NRG3: variants seen among roughly 807,000 people sequenced by gnomAD.
NRG3 encodes pro-neuregulin-3, membrane-bound isoform.
In NRG3, 31 loss-of-function variants were observed where a neutral mutation model predicts 66.9. The ratio of observed to expected loss-of-function variants is 0.46; its 90% CI spans 0.35 to 0.63. NRG3 has a LOEUF of 0.63. NRG3 is among the 20% of genes least tolerant of loss of function. NRG3 has a pLI of 0.00. For synonymous variants in NRG3, 393 were observed against 359.4 expected, an observed-to-expected ratio of 1.09 and a Z score of -1.06; for missense variants, 910 against 878.9, an observed-to-expected ratio of 1.04 and a Z score of -0.45.
At chr10:82,378,562 C>T (rs1247452461) in intron 2 of NRG3, among the ~76,000 whole-genome samples, 1 of 151,730 alleles carries the variant, frequency 6.6e-6, no homozygotes, top group Non-Finnish European at 1.5e-5. Flanking sequence ...CTACTCTCTT[C>T]TCTTTTTTCT....
At chr10:82,538,849 T>TATA (rs1438993743) in intron 2 of NRG3, among the ~76,000 whole-genome samples, 1 of 152,182 alleles carries the variant, frequency 6.6e-6, no homozygotes, top group African/African-American at 2.4e-5. Context: ...GTAGAGGAAC[T>TATA]ATACTCTAGG....
chr10:82,548,523 TCACACACACACACACACACA>T (rs59459683), intron 2 of NRG3, among the ~76,000 whole-genome samples: 2 of 139,460 alleles, frequency 1.4e-5, no homozygotes, highest in Non-Finnish European at 3.2e-5. Flanking sequence ...ATTCTGTCTC[TCACACACACACACACACACA>T]CACACACACA....
At chr10:82,900,686 A>T (rs1419933548) in intron 4 of NRG3, among the ~76,000 whole-genome samples, 3 of 152,156 alleles carry the variant, frequency 2.0e-5, no homozygotes. Flanking sequence ...TGGTATAATG[A>T]TCCCCATTTT....
intron 4 of NRG3, among the ~76,000 whole-genome samples, chr10:82,906,882 T>C (rs961941872): frequency 2.0e-5 from 3 of 152,180 alleles, no homozygotes; most frequent in African/African-American, 4.8e-5. Context: ...TGTTTTTTCA[T>C]AGAAACTTTA....
intron 1 of NRG3, among the ~76,000 whole-genome samples, chr10:81,926,605 G>C (rs936625885): frequency 6.6e-6 from 1 of 152,034 alleles, no homozygotes; most frequent in Admixed American, 6.6e-5. Context: ...TAATTAAACA[G>C]CTCACTTTGT....
chr10:82,377,451 T>TGCGC (rs767502576), intron 2 of NRG3, among the ~76,000 whole-genome samples: 3 of 125,994 alleles, frequency 2.4e-5, no homozygotes, highest in Non-Finnish European at 4.8e-5. Context: ...TGTGTGTGTG[T>TGCGC]GTGTGTGCGC....
chr10:82,439,698 A>AAATT lies in NRG3; in HGVS notation c.953+80844_953+80847dup, dbSNP rs572436364. Among the ~76,000 whole-genome samples the AAATT allele has an allele frequency of 6.6e-5, 10 of 152,012 alleles. No homozygotes were observed. The South Asian group carries it at 2.1e-3, about 32-fold the overall frequency. ...GTCCTGATTTCTATTTTACTTTTTA[A>AAATT]AATTAATTAATTAATTAGTTATATA... On this transcript the variant is annotated intron_variant, in intron 2 of 8. Transcript: ENST00000372141.
At chr10:82,354,119 C>T (rs1224110643) in intron 1 of NRG3, among the ~76,000 whole-genome samples, 3 of 148,826 alleles carry the variant, frequency 2.0e-5, no homozygotes, top group African/African-American at 5.0e-5. Flanking sequence ...ACTGCAACCT[C>T]GACCTCCTGG....
chr10:82,505,607 C>G (rs906441178), intron 2 of NRG3, among the ~76,000 whole-genome samples: 1 of 152,100 alleles, frequency 6.6e-6, no homozygotes, highest in Non-Finnish European at 1.5e-5. Context: ...CCTTTCTCCC[C>G]CTTTGCAGTG....
chr10:82,582,445 A>G (rs1293575450), intron 2 of NRG3, among the ~76,000 whole-genome samples: 1 of 152,104 alleles, frequency 6.6e-6, no homozygotes, highest in Non-Finnish European at 1.5e-5. Context: ...GTTAAATGGT[A>G]TGGCTCCCTT....
intron 2 of NRG3, among the ~76,000 whole-genome samples, chr10:82,481,923 G>T (rs1842304455): frequency 6.6e-6 from 1 of 152,152 alleles, no homozygotes; most frequent in African/African-American, 2.4e-5. Context: ...GGAGGCAGAA[G>T]TTGCAGTGAG....
At chr10:82,506,170 C>T (rs970119607) in intron 2 of NRG3, among the ~76,000 whole-genome samples, 6 of 152,196 alleles carry the variant, frequency 3.9e-5, no homozygotes, top group African/African-American at 9.6e-5. Flanking sequence ...ATCACTTGAA[C>T]GTGGGAGGCA....
At chr10:82,077,859 T>G (rs531871494) in intron 1 of NRG3, among the ~76,000 whole-genome samples, 2 of 152,200 alleles carry the variant, frequency 1.3e-5, no homozygotes, top group Admixed American at 6.5e-5. Flanking sequence ...AGGCCAAACT[T>G]AAGTTCTAAT....
At chr10:82,618,233 G>T (rs1169589545) in intron 2 of NRG3, among the ~76,000 whole-genome samples, 1 of 152,150 alleles carries the variant, frequency 6.6e-6, no homozygotes, top group Non-Finnish European at 1.5e-5. Context: ...CGGAGCTGTG[G>T]TGCCAGACAG....
chr10:81,970,334 A>G (rs570624429), intron 1 of NRG3, among the ~76,000 whole-genome samples: 1 of 152,342 alleles, frequency 6.6e-6, no homozygotes, highest in African/African-American at 2.4e-5. Flanking sequence ...ATCCCTCTAG[A>G]TATAATCAGT....
intron 1 of NRG3, among the ~76,000 whole-genome samples, chr10:81,908,916 T>C (rs1844847934): frequency 6.6e-6 from 1 of 151,916 alleles, no homozygotes. Context: ...GTGTTGAGAG[T>C]GATGGGGTTG....
At chr10:82,398,491 A>ATGTGTGTGTG (rs1164444421) in intron 2 of NRG3, among the ~76,000 whole-genome samples, 1 of 139,092 alleles carries the variant, frequency 7.2e-6, no homozygotes, top group East Asian at 2.1e-4. Flanking sequence ...GGCTTCGTGT[A>ATGTGTGTGTG]TGTGTGTGTG....
intron 5 of NRG3, among the ~76,000 whole-genome samples, chr10:82,954,705 T>C (rs1034021021): frequency 6.6e-6 from 1 of 151,730 alleles, no homozygotes; most frequent in Non-Finnish European, 1.5e-5. Flanking sequence ...GGTCTCCCTT[T>C]TTTTTCTTTG....
chr10:82,362,186 G>C (rs1162187874), intron 2 of NRG3, among the ~76,000 whole-genome samples: 1 of 144,914 alleles, frequency 6.9e-6, no homozygotes, highest in African/African-American at 2.6e-5. Flanking sequence ...TCTTATTCCA[G>C]TTCTTCAAGA....
Sources: allele counts gnomAD v4.1 joint callset (sites outside exome capture counted in the v4.1 genomes callset), GRCh38; gene constraint gnomAD v4.1.1; transcripts MANE v1.5; gene names NCBI Gene and HGNC (gene_info 2026-07-23, HGNC 2026-07-21).